The following CLSTN2 variants were observed in gnomAD, a reference collection of about 807,000 sequenced individuals.
The protein encoded by CLSTN2 is calsyntenin-2.
Under a neutral mutation model 101.2 loss-of-function variants are expected in CLSTN2, and 48 were observed. The ratio of observed to expected loss-of-function variants is 0.47; its 90% CI spans 0.38 to 0.60. The LOEUF (loss-of-function observed/expected upper bound fraction) is 0.60, where lower values mean the gene tolerates loss of function less well. Ranked by LOEUF, CLSTN2 falls within the 20% of genes least tolerant of loss-of-function variation. The pLI is 0.00. For synonymous variants in CLSTN2, 481 were observed against 463.6 expected, an observed-to-expected ratio of 1.04 and a Z score of -0.48; for missense variants, 1,160 against 1,238.2, an observed-to-expected ratio of 0.94 and a Z score of 0.95.
chr3:140,220,096 C>T (rs1030271543), intron 2 of CLSTN2, among the ~76,000 whole-genome samples: 12 of 152,250 alleles, frequency 7.9e-5, no homozygotes, highest in Admixed American at 7.8e-4. Context: ...CTATGCTATA[C>T]TGCCTCTACT....
At chr3:140,325,858 G>A (rs1316473527) in intron 2 of CLSTN2, among the ~76,000 whole-genome samples, 1 of 152,166 alleles carries the variant, frequency 6.6e-6, no homozygotes, top group Non-Finnish European at 1.5e-5. Flanking sequence ...GACGCGTCAG[G>A]TTATAAATGA....
intron 1 of CLSTN2, among the ~76,000 whole-genome samples, chr3:139,982,598 G>A (rs1380421861): frequency 3.3e-5 from 5 of 152,182 alleles, no homozygotes; most frequent in Admixed American, 6.5e-5. Context: ...CCACCACTGG[G>A]TGGTAGTGTT....
intron 2 of CLSTN2, among the ~76,000 whole-genome samples, chr3:140,262,576 T>C (rs1057374427): frequency 6.6e-6 from 1 of 152,164 alleles, no homozygotes; most frequent in African/African-American, 2.4e-5. Flanking sequence ...ATATGTTTCA[T>C]GGGGCCCATA....
chr3:140,209,177 A>G (rs1490180235), intron 2 of CLSTN2, among the ~76,000 whole-genome samples: 1 of 152,168 alleles, frequency 6.6e-6, no homozygotes. Flanking sequence ...ATGCATTATG[A>G]TTGTCAGCAG....
intron 8 of CLSTN2, among the ~76,000 whole-genome samples, chr3:140,520,520 G>A (rs568380117): frequency 1.3e-5 from 2 of 152,150 alleles, no homozygotes; most frequent in Non-Finnish European, 2.9e-5. Flanking sequence ...AGAATAGCAT[G>A]GGGGAAACAG....
At position 140,568,292 on chromosome 3, in the gene CLSTN2, C is replaced by G. The variant is rs1985367763; in HGVS notation, c.*2039C>G. The stretch of plus-strand genomic sequence containing the variant: ...ATTATATTTGCAGACGGGAAATAAA[C>G]AGGCCTAGAAATTACACAAGAGACA... On this transcript the variant is annotated 3_prime_UTR_variant, in exon 17 of 17. Transcript: ENST00000458420. 1.3e-5 allele frequency: 2 copies of G among 152,144 alleles called. No homozygotes were observed. Among genetic ancestry groups the G allele is most frequent in the Non-Finnish European group, 2.9e-5 (2 of 68,032 alleles). 9.4% of individuals were successfully genotyped at this position (152,144 alleles called of 1,614,324 possible). A position where few individuals can be genotyped will look rare whatever the true frequency, so the allele number is the denominator to read the frequency against.
chr3:140,415,585 G>A (rs147445667), intron 4 of CLSTN2, among the ~76,000 whole-genome samples: 1 of 150,374 alleles, frequency 6.7e-6, no homozygotes, highest in East Asian at 1.9e-4. Flanking sequence ...AATGGTCGAC[G>A]TGCATACAAA....
chr3:140,011,707 G>A (rs2007077308), intron 1 of CLSTN2, among the ~76,000 whole-genome samples: 1 of 152,088 alleles, frequency 6.6e-6, no homozygotes. Context: ...CTTCCTACAT[G>A]CTTTGACTGC....
rs1299724982 is a variant in CLSTN2 at position 140,245,430 on chromosome 3, T to A, written c.232+69357T>A. ...TACAAGGACTTGAAAGAGAGACAGA[T>A]AAAGGCACTTCCCAACTGTGGACAA... is the stretch of plus-strand genomic sequence containing the variant. On this transcript the variant is annotated intron_variant, in intron 2 of 16. Coordinates refer to ENST00000458420, the MANE Select transcript of CLSTN2 (RefSeq NM_022131.3). Among the ~76,000 whole-genome samples the A allele has an allele frequency of 2.0e-5, 3 of 152,060 alleles. No individual in the cohort carries two copies. The East Asian group carries it at 5.8e-4, about 29-fold the overall frequency.
chr3:140,272,321 T>G (rs2086749480), intron 2 of CLSTN2, among the ~76,000 whole-genome samples: 1 of 152,194 alleles, frequency 6.6e-6, no homozygotes, highest in Non-Finnish European at 1.5e-5. Flanking sequence ...AGACACAGAG[T>G]AACCATGCAA....
At chr3:140,126,292 G>A (rs1639378704) in intron 1 of CLSTN2, among the ~76,000 whole-genome samples, 1 of 152,110 alleles carries the variant, frequency 6.6e-6, no homozygotes, top group South Asian at 2.1e-4. Flanking sequence ...CTTGGAAGTA[G>A]GCAGATGGCA....
intron 1 of CLSTN2, among the ~76,000 whole-genome samples, chr3:140,031,125 A>C (rs377419614): frequency 6.6e-6 from 1 of 152,226 alleles, no homozygotes; most frequent in Admixed American, 6.5e-5. Context: ...AAAGCTTTAA[A>C]TAAATCCAAT....
intron 1 of CLSTN2, among the ~76,000 whole-genome samples, chr3:140,057,634 T>C (rs1196656524): frequency 2.0e-5 from 3 of 152,232 alleles, no homozygotes; most frequent in Admixed American, 2.0e-4. Context: ...TTCATTTTTT[T>C]CCTATGTTAT....
intron 2 of CLSTN2, among the ~76,000 whole-genome samples, chr3:140,266,853 A>G (rs569140328): frequency 1.2e-3 from 190 of 152,316 alleles, no homozygotes; most frequent in Non-Finnish European, 2.4e-3. Context: ...CCTTGGCTAC[A>G]TGGCAAGCAC....
chr3:140,281,990 A>G (rs977845039), intron 2 of CLSTN2, among the ~76,000 whole-genome samples: 2 of 152,180 alleles, frequency 1.3e-5, no homozygotes, highest in African/African-American at 4.8e-5. Flanking sequence ...AAAATGTAAT[A>G]GTGACATTAT....
chr3:140,240,707 A>C (rs2086460070), intron 2 of CLSTN2, among the ~76,000 whole-genome samples: 1 of 152,148 alleles, frequency 6.6e-6, no homozygotes, highest in Admixed American at 6.6e-5. Flanking sequence ...TACTCTTGCC[A>C]AAGCAGCAGA....
At chr3:140,417,049 C>A (rs916289345) in intron 4 of CLSTN2, among the ~76,000 whole-genome samples, 3 of 152,202 alleles carry the variant, frequency 2.0e-5, no homozygotes, top group African/African-American at 7.2e-5. Flanking sequence ...CACCCATAAT[C>A]CTGCCAAAGT....
intron 12 of CLSTN2, among the ~76,000 whole-genome samples, chr3:140,559,560 A>AGGGGGGGGGGGGGGGGG (rs1299690699): frequency 7.4e-6 from 1 of 135,572 alleles, no homozygotes; most frequent in Non-Finnish European, 1.6e-5. Flanking sequence ...GGCGGGGGTC[A>AGGGGGGGGGGGGGGGGG]GGGGGGCGGG....
intron 2 of CLSTN2, among the ~76,000 whole-genome samples, chr3:140,199,222 C>A (rs2010687933): frequency 6.6e-6 from 1 of 152,144 alleles, no homozygotes; most frequent in African/African-American, 2.4e-5. Flanking sequence ...AGAACACTGG[C>A]TGATGAGGGT....
Sources: gnomAD v4.1 joint callset for allele counts (sites outside exome capture counted in the v4.1 genomes callset) on GRCh38, gnomAD v4.1.1 for gene constraint, MANE v1.5 for transcripts, NCBI Gene and HGNC (gene_info 2026-07-23, HGNC 2026-07-21) for gene names.